Variants in MAGI2 observed in about 807,000 individuals in gnomAD.
The protein encoded by MAGI2 is membrane-associated guanylate kinase, WW and PDZ domain-containing protein 2.
In MAGI2, 35 loss-of-function variants were observed where a neutral mutation model predicts 133.3. That is an observed-to-expected ratio of 0.26 (90% confidence interval 0.20 to 0.35). MAGI2 has a LOEUF of 0.35. Among genes scored for constraint, MAGI2 ranks in the 10% least tolerant of loss-of-function variants. MAGI2 has a pLI of 1.00. For synonymous variants in MAGI2, 729 were observed against 710.6 expected, an observed-to-expected ratio of 1.03 and a Z score of -0.41; for missense variants, 1,636 against 1,863.4, an observed-to-expected ratio of 0.88 and a Z score of 2.25.
chr7:78,350,902 G>T (rs553699414), intron 7 of MAGI2, among the ~76,000 whole-genome samples: 1 of 152,238 alleles, frequency 6.6e-6, no homozygotes, highest in Admixed American at 6.5e-5. Flanking sequence ...GCTTCTCCTG[G>T]GGTTTTTGGA....
At chr7:78,771,506 C>T (rs1227684449) in intron 2 of MAGI2, among the ~76,000 whole-genome samples, 2 of 152,152 alleles carry the variant, frequency 1.3e-5, no homozygotes, top group Non-Finnish European at 2.9e-5. Context: ...CTTTCATAGT[C>T]CCCTTTTACC....
chr7:78,790,625 G>T (rs1207885), intron 2 of MAGI2, among the ~76,000 whole-genome samples: 68,652 of 151,880 alleles, frequency 0.45, 16,209 homozygotes, highest in South Asian at 0.56. Flanking sequence ...GTAGACACAG[G>T]GTTTCACCAT....
intron 1 of MAGI2, among the ~76,000 whole-genome samples, chr7:79,175,541 A>T (rs2129549578): frequency 6.6e-6 from 1 of 152,058 alleles, no homozygotes; most frequent in East Asian, 1.9e-4. Flanking sequence ...CTGCTCTTCT[A>T]AGTGCAGTCA....
chr7:78,965,842 G>T (rs1762002370), intron 2 of MAGI2, among the ~76,000 whole-genome samples: 1 of 152,018 alleles, frequency 6.6e-6, no homozygotes, highest in African/African-American at 2.4e-5. Context: ...ATACTTACCT[G>T]GAGATCATTT....
chr7:79,387,725 G>T (rs184968923), intron 1 of MAGI2, among the ~76,000 whole-genome samples: 19 of 151,984 alleles, frequency 1.3e-4, no homozygotes, highest in African/African-American at 4.3e-4. Context: ...TAAAACAATG[G>T]TGATGTGTTC....
chr7:79,198,217 C>T (rs1828262645), intron 1 of MAGI2, among the ~76,000 whole-genome samples: 1 of 151,860 alleles, frequency 6.6e-6, no homozygotes, highest in Non-Finnish European at 1.5e-5. Context: ...CATGCCACTG[C>T]ACTCCTGCCT....
intron 6 of MAGI2, among the ~76,000 whole-genome samples, chr7:78,463,192 G>A (rs1045906773): frequency 1.3e-5 from 2 of 152,214 alleles, no homozygotes; most frequent in African/African-American, 4.8e-5. Context: ...CTGCTGAGAA[G>A]GGCTGCTGGC....
intron 1 of MAGI2, among the ~76,000 whole-genome samples, chr7:79,207,298 C>T (rs943205773): frequency 2.0e-5 from 3 of 151,868 alleles, no homozygotes; most frequent in Non-Finnish European, 4.4e-5. Context: ...TTGCAGATGA[C>T]ATGGCCATAT....
At chr7:79,240,259 G>A (rs1293782894) in intron 1 of MAGI2, among the ~76,000 whole-genome samples, 1 of 151,478 alleles carries the variant, frequency 6.6e-6, no homozygotes, top group Non-Finnish European at 1.5e-5. Context: ...CTTCTAGGCA[G>A]AGGAAACAGG....
chr7:78,026,644 T>A (rs1808945320), intron 21 of MAGI2, among the ~76,000 whole-genome samples: 1 of 150,694 alleles, frequency 6.6e-6, no homozygotes. Context: ...AGCCAGAGAC[T>A]GTGGGCAATG....
In MAGI2 at chr7:78,058,478, C is replaced by CTTTTT. The variant is rs61113351; in HGVS notation, c.3706+20464_3706+20468dup. Among the ~76,000 whole-genome samples the CTTTTT allele has an allele frequency of 2.3e-3, 344 of 146,852 alleles. 4 individuals carry two copies. The highest frequency in any genetic ancestry group is 4.2e-3 in the African/African-American group (165 of 39,624). ...AATGTTCACATACATCTTAAAATTC[C>CTTTTT]TTTTTTTTTTTGAGACGGAGTTTCG... On this transcript the variant is annotated intron_variant, in intron 21 of 21. Coordinates refer to ENST00000354212, the MANE Select transcript of MAGI2 (RefSeq NM_012301.4).
At chr7:79,038,722 T>C (rs1484388272) in intron 1 of MAGI2, among the ~76,000 whole-genome samples, 1 of 152,210 alleles carries the variant, frequency 6.6e-6, no homozygotes, top group African/African-American at 2.4e-5. Context: ...AATTCCTTTT[T>C]TGATGCACAC....
chr7:79,010,784 T>G (rs2116571750), intron 1 of MAGI2: 1 of 152,198 alleles, frequency 6.6e-6, no homozygotes, highest in Middle Eastern at 3.4e-3. Context: ...TGAAAAAAAT[T>G]TTATTTCCTG....
intron 20 of MAGI2, among the ~76,000 whole-genome samples, chr7:78,086,043 A>G (rs1816600407): frequency 6.6e-6 from 1 of 152,146 alleles, no homozygotes; most frequent in African/African-American, 2.4e-5. Flanking sequence ...AAATATAAGT[A>G]AAATTGGAAG....
intron 1 of MAGI2, among the ~76,000 whole-genome samples, chr7:79,112,673 A>C (rs1004028030): frequency 1.3e-5 from 2 of 152,134 alleles, no homozygotes; most frequent in Non-Finnish European, 2.9e-5. Flanking sequence ...CTAAATGCAT[A>C]CCTTTATGTT....
At chr7:78,710,768 G>GT (rs777264042) in intron 2 of MAGI2, among the ~76,000 whole-genome samples, 19 of 152,100 alleles carry the variant, frequency 1.2e-4, no homozygotes, top group Admixed American at 2.6e-4. Context: ...GAGTCATATG[G>GT]TTTGTCAATC....
intron 6 of MAGI2, among the ~76,000 whole-genome samples, chr7:78,385,078 C>G (rs1795260078): frequency 6.6e-6 from 1 of 152,192 alleles, no homozygotes; most frequent in South Asian, 2.1e-4. Flanking sequence ...AAGCTGGGCA[C>G]TTGTCAAATT....
At chr7:78,748,156 T>C (rs62469561) in intron 2 of MAGI2, among the ~76,000 whole-genome samples, 1 of 15,500 alleles carries the variant, frequency 6.5e-5, no homozygotes, top group Non-Finnish European at 1.2e-4. Context: ...ACCTTGAGGA[T>C]TTAAAAAAAA....
chr7:78,234,879 C>T (rs1446783879), intron 10 of MAGI2, among the ~76,000 whole-genome samples: 4 of 152,116 alleles, frequency 2.6e-5, no homozygotes, highest in African/African-American at 9.7e-5. Context: ...GCAACGAACA[C>T]TCCAACAGCA....
Sources: gnomAD v4.1 joint callset for allele counts (sites outside exome capture counted in the v4.1 genomes callset) on GRCh38, gnomAD v4.1.1 for gene constraint, MANE v1.5 for transcripts, NCBI Gene and HGNC (gene_info 2026-07-23, HGNC 2026-07-21) for gene names.